The following GPHN variants were observed in gnomAD, a reference collection of about 807,000 sequenced individuals.
GPHN encodes gephyrin.
GPHN carries 17 observed loss-of-function variants against 95.5 expected under a neutral mutation model. The ratio of observed to expected loss-of-function variants is 0.18; its 90% CI spans 0.12 to 0.27. The LOEUF is 0.27. Ranked by LOEUF, GPHN falls within the 10% of genes least tolerant of loss-of-function variation. GPHN has a pLI of 1.00. For synonymous variants in GPHN, 320 were observed against 322.5 expected (o/e 0.99, Z 0.08); for missense variants, 660 against 978.1 (o/e 0.67, Z 4.34).
chr14:66,728,271 C>T (rs1334490340), intron 2 of GPHN, among the ~76,000 whole-genome samples: 1 of 152,110 alleles, frequency 6.6e-6, no homozygotes. Flanking sequence ...AGAATCTCTG[C>T]TAGGGCAGTG....
intron 1 of GPHN, among the ~76,000 whole-genome samples, chr14:66,657,322 C>T (rs2065361362): frequency 1.3e-5 from 2 of 152,166 alleles, no homozygotes; most frequent in Admixed American, 1.3e-4. Context: ...TAAGTCATCT[C>T]TGTAACATAA....
chr14:67,387,150 G>A, the GPHN span: 1 of 535,280 alleles, frequency 1.9e-6, no homozygotes, highest in Non-Finnish European at 3.2e-6. Context: ...GTAACATGAA[G>A]ATGGGGAAGG....
intron 11 of GPHN, among the ~76,000 whole-genome samples, chr14:67,078,887 A>G (rs1261999813): frequency 6.6e-6 from 1 of 151,896 alleles, no homozygotes; most frequent in African/African-American, 2.4e-5. Context: ...TTAAGCTCTC[A>G]GACCAAAACT....
the GPHN span, chr14:67,583,860 T>C: frequency 4.3e-6 from 7 of 1,613,672 alleles, no homozygotes; most frequent in Admixed American, 1.2e-4. Flanking sequence ...GCTATAGACA[T>C]GGGGCCCCCG....
At chr14:67,411,889 TC>T in the GPHN span, 1 of 839,796 alleles carries the variant, frequency 1.2e-6, no homozygotes, top group Non-Finnish European at 1.8e-6. Context: ...GGCGGCCCGG[TC>T]CCACCATGGG....
the GPHN span, among the ~76,000 whole-genome samples, chr14:67,656,757 A>G: frequency 6.6e-6 from 1 of 152,214 alleles, no homozygotes; most frequent in Non-Finnish European, 1.5e-5. Flanking sequence ...GTCACAGACT[A>G]AAGCAGGACC....
chr14:66,546,647 C>T (rs1242862666), intron 1 of GPHN, among the ~76,000 whole-genome samples: 3 of 152,110 alleles, frequency 2.0e-5, no homozygotes, highest in Non-Finnish European at 2.9e-5. Flanking sequence ...CGGCGCGTGC[C>T]TGCAATCGCA....
At chr14:67,145,229 G>A (rs1401724810) in intron 18 of GPHN, among the ~76,000 whole-genome samples, 1 of 152,140 alleles carries the variant, frequency 6.6e-6, no homozygotes, top group Non-Finnish European at 1.5e-5. Context: ...ACCTAATTGT[G>A]GGATAATAGC....
the GPHN span, among the ~76,000 whole-genome samples, chr14:67,221,361 A>C: frequency 1.3e-5 from 2 of 152,212 alleles, no homozygotes; most frequent in Non-Finnish European, 2.9e-5. Context: ...ATTTATCCCC[A>C]GGTCTCTTTG....
chr14:66,788,771 C>T (rs183274387), intron 3 of GPHN, among the ~76,000 whole-genome samples: 1 of 152,290 alleles, frequency 6.6e-6, no homozygotes, highest in Non-Finnish European at 1.5e-5. Flanking sequence ...ACTCTCCTAC[C>T]TCAGCCTCCC....
chr14:67,288,645 T>A, the GPHN span, among the ~76,000 whole-genome samples: 5 of 152,342 alleles, frequency 3.3e-5, no homozygotes, highest in East Asian at 9.6e-4. Context: ...TTAAGTGTTA[T>A]CCTATTTTGC....
chr14:67,600,177 AT>A, the GPHN span: 2 of 1,588,936 alleles, frequency 1.3e-6, no homozygotes, highest in South Asian at 2.3e-5. Context: ...CGCCGCAGAT[AT>A]CCGAAAAGCT....
At chr14:67,343,374 T>A in the GPHN span, 6 of 1,610,916 alleles carry the variant, frequency 3.7e-6, no homozygotes, top group Non-Finnish European at 5.1e-6. Flanking sequence ...ATACTCACCA[T>A]GTTCAATGGC....
the GPHN span, among the ~76,000 whole-genome samples, chr14:67,631,038 G>A: frequency 1.3e-5 from 2 of 152,070 alleles, no homozygotes; most frequent in Non-Finnish European, 2.9e-5. Flanking sequence ...GACAGTCCCT[G>A]CTCCAGCATT....
At chr14:67,256,797 GAC>G in the GPHN span, among the ~76,000 whole-genome samples, 84 of 147,360 alleles carry the variant, frequency 5.7e-4, no homozygotes, top group Non-Finnish European at 6.3e-4. Context: ...AGAAACTATT[GAC>G]ACACACACAC....
Position 66,571,025 on chromosome 14 carries a change from C to T in GPHN, c.64+62434C>T, listed in dbSNP as rs774257308. On this transcript the variant is annotated intron_variant, in intron 1 of 22. Coordinates refer to ENST00000478722, the MANE Select transcript of GPHN (RefSeq NM_020806.5). ...TTCTGGATATTAAGCTCATATCAAA[C>T]GTATGGGGTGTATTAGTCCGTTTTC... is the stretch of plus-strand genomic sequence containing the variant. Among the ~76,000 whole-genome samples the T allele has an allele frequency of 2.0e-5, 3 of 152,020 alleles. No individual in the cohort carries two copies. In the South Asian group the frequency reaches 6.2e-4, roughly 32 times the overall value.
the GPHN span, among the ~76,000 whole-genome samples, chr14:67,330,285 C>T: frequency 6.6e-6 from 1 of 151,420 alleles, no homozygotes; most frequent in Non-Finnish European, 1.5e-5. Context: ...CTATAATTTG[C>T]ACTTGCTTTA....
chr14:66,567,994 A>C lies in GPHN; in HGVS notation c.64+59403A>C, dbSNP rs1404105761. On this transcript the variant is annotated intron_variant, in intron 1 of 22. Transcript: ENST00000478722. ...AGAGTACGATGAGTGATAGTTAAGA[A>C]GAAAATGTTTATAAGTGCACATTCA... 1.3e-5 allele frequency among the ~76,000 whole-genome samples: 2 copies of C among 152,220 alleles called. 1 individual carries two copies. Among genetic ancestry groups the C allele is most frequent in the Non-Finnish European group, 2.9e-5 (2 of 68,012 alleles).
At chr14:67,387,475 G>GA in the GPHN span, 21 of 1,591,628 alleles carry the variant, frequency 1.3e-5, no homozygotes, top group Middle Eastern at 1.7e-4. Context: ...AAAAAAGGGG[G>GA]AAAAAAATCA....
Sources: allele counts gnomAD v4.1 joint callset (sites outside exome capture counted in the v4.1 genomes callset), GRCh38; gene constraint gnomAD v4.1.1; transcripts MANE v1.5; gene names NCBI Gene and HGNC (gene_info 2026-07-23, HGNC 2026-07-21).